Variants in JARID2 observed in about 807,000 individuals in gnomAD.
The protein encoded by JARID2 is protein Jumonji.
JARID2 carries 21 observed loss-of-function variants against 125.6 expected under a neutral mutation model. The observed-to-expected ratio is 0.17, with a 90% CI of 0.12 to 0.24. The LOEUF is 0.24. Ranked by LOEUF, JARID2 falls within the 10% of genes least tolerant of loss-of-function variation. The pLI, the probability that JARID2 is intolerant of heterozygous loss-of-function variation, is 1.00. For missense variants in JARID2, 1,303 were observed against 1,639.6 expected, an observed-to-expected ratio of 0.79 and a Z score of 3.55; for synonymous variants, 736 against 661.6, an observed-to-expected ratio of 1.11 and a Z score of -1.73.
At chr6:15,432,507 G>T (rs1054059727) in intron 3 of JARID2, among the ~76,000 whole-genome samples, 2 of 152,190 alleles carry the variant, frequency 1.3e-5, no homozygotes, top group Non-Finnish European at 2.9e-5. Flanking sequence ...CAGACTGGGA[G>T]TGGGCTCGAA....
At chr6:15,456,178 T>G (rs1364465284) in intron 4 of JARID2, among the ~76,000 whole-genome samples, 1 of 152,222 alleles carries the variant, frequency 6.6e-6, no homozygotes, top group Non-Finnish European at 1.5e-5. Flanking sequence ...TCTTATAACA[T>G]TATATTTTCT....
intron 1 of JARID2, among the ~76,000 whole-genome samples, chr6:15,283,850 C>CAT (rs1561769042): frequency 6.6e-6 from 1 of 151,680 alleles, no homozygotes; most frequent in Non-Finnish European, 1.5e-5. Context: ...GGACTACAGG[C>CAT]GCCTGCCACC....
At chr6:15,270,420 C>T (rs1760252234) in intron 1 of JARID2, among the ~76,000 whole-genome samples, 1 of 152,222 alleles carries the variant, frequency 6.6e-6, no homozygotes, top group Non-Finnish European at 1.5e-5. Flanking sequence ...GCACGAGCCA[C>T]TGCACCTGGC....
intron 1 of JARID2, among the ~76,000 whole-genome samples, chr6:15,319,340 C>G (rs1430176131): frequency 6.6e-6 from 1 of 152,118 alleles, no homozygotes; most frequent in African/African-American, 2.4e-5. Context: ...TTTTTCCTCT[C>G]TGTGGTTCTG....
Position 15,304,303 on chromosome 6 carries a change from T to TCCCCCCCCCCCCCCCCCC in JARID2, c.45+57734_45+57735insCCCCCCCCCCCCCCCCCC, listed in dbSNP as rs61333394. Among the ~76,000 whole-genome samples, 15 of 26,750 alleles carry TCCCCCCCCCCCCCCCCCC rather than the reference T, an allele frequency of 5.6e-4. 2 individuals carry two copies. Among genetic ancestry groups the TCCCCCCCCCCCCCCCCCC allele is most frequent in the Non-Finnish European group, 7.3e-4 (10 of 13,762 alleles). 17.5% of individuals were successfully genotyped at this position (26,750 alleles called of 152,430 possible). A position where few individuals can be genotyped will look rare whatever the true frequency, so the allele number is the denominator to read the frequency against. On this transcript the variant is annotated intron_variant, in intron 1 of 17. Coordinates refer to ENST00000341776, the MANE Select transcript of JARID2 (RefSeq NM_004973.4). ...GTAGAGAATGGACATAATTTGCTGATCCCCCCCCCCCCCCCGCCCACCCAC... is the reference window on the plus strand; with the variant it reads ...GTAGAGAATGGACATAATTTGCTGATCCCCCCCCCCCCCCCCCCCCCCCCCCCCCCCCCGCCCACCCAC...
intron 1 of JARID2, among the ~76,000 whole-genome samples, chr6:15,258,634 T>C (rs1371137378): frequency 1.3e-5 from 2 of 152,068 alleles, no homozygotes; most frequent in African/African-American, 4.8e-5. Context: ...ATACAAAAAT[T>C]AGCCAGGTGT....
At chr6:15,300,683 TTG>T (rs35433395) in intron 1 of JARID2, among the ~76,000 whole-genome samples, 8,563 of 114,336 alleles carry the variant, frequency 0.075, 460 homozygotes, top group Non-Finnish European at 0.11. Flanking sequence ...TGTCCTCATG[TTG>T]TGTGTGTGTG....
chr6:15,475,277 A>T (rs1481900192), intron 5 of JARID2, among the ~76,000 whole-genome samples: 1 of 152,238 alleles, frequency 6.6e-6, no homozygotes, highest in Non-Finnish European at 1.5e-5. Context: ...ATAAAAAGGC[A>T]ATCAGGCACC....
At chr6:15,352,750 C>A (rs1439652251) in intron 1 of JARID2, among the ~76,000 whole-genome samples, 1 of 152,172 alleles carries the variant, frequency 6.6e-6, no homozygotes, top group East Asian at 1.9e-4. Context: ...CTTTTCCCCC[C>A]TCAGACATGA....
chr6:15,458,105 G>A (rs990390812), intron 4 of JARID2, among the ~76,000 whole-genome samples: 19 of 152,146 alleles, frequency 1.2e-4, no homozygotes, highest in Non-Finnish European at 1.9e-4. Flanking sequence ...AGGGTTTTGC[G>A]CTTGCTGCAT....
intron 4 of JARID2, among the ~76,000 whole-genome samples, chr6:15,465,835 G>T (rs1286930055): frequency 1.3e-5 from 2 of 150,992 alleles, no homozygotes; most frequent in African/African-American, 4.9e-5. Flanking sequence ...ACGGAGTCTT[G>T]TTCTGTCGCC....
intron 2 of JARID2, among the ~76,000 whole-genome samples, chr6:15,377,284 G>C (rs542786499): frequency 6.6e-6 from 1 of 152,244 alleles, no homozygotes; most frequent in South Asian, 2.1e-4. Context: ...CTGTTATATG[G>C]CAGTGGCAAG....
At chr6:15,460,866 A>G (rs1768413318) in intron 4 of JARID2, among the ~76,000 whole-genome samples, 1 of 152,042 alleles carries the variant, frequency 6.6e-6, no homozygotes, top group South Asian at 2.1e-4. Flanking sequence ...CACCACACCC[A>G]GCTAATTTTT....
At chr6:15,282,057 C>G (rs980166882) in intron 1 of JARID2, among the ~76,000 whole-genome samples, 5 of 151,964 alleles carry the variant, frequency 3.3e-5, no homozygotes, top group African/African-American at 1.2e-4. Context: ...TCAGACCATT[C>G]TTGTGTGGTA....
intron 6 of JARID2, among the ~76,000 whole-genome samples, chr6:15,488,214 G>T (rs572624168): frequency 1.3e-5 from 2 of 152,304 alleles, no homozygotes; most frequent in South Asian, 4.1e-4. Flanking sequence ...CAGTTTTGAA[G>T]AATCCCTCAG....
chr6:15,294,326 G>C (rs767200038), intron 1 of JARID2, among the ~76,000 whole-genome samples: 7 of 152,166 alleles, frequency 4.6e-5, no homozygotes, highest in Non-Finnish European at 8.8e-5. Flanking sequence ...CCGAGCAGCT[G>C]GGACTATAGG....
At chr6:15,372,940 C>G (rs546098834) in intron 1 of JARID2, among the ~76,000 whole-genome samples, 1 of 152,192 alleles carries the variant, frequency 6.6e-6, no homozygotes, top group East Asian at 1.9e-4. Flanking sequence ...AACTCCTGAC[C>G]TCGTGATCTG....
At chr6:15,342,550 A>G (rs1392642985) in intron 1 of JARID2, among the ~76,000 whole-genome samples, 1 of 152,242 alleles carries the variant, frequency 6.6e-6, no homozygotes, top group East Asian at 1.9e-4. Context: ...TGCTGTTGAA[A>G]GTAACAAAGT....
rs961414146 is a variant in JARID2 at position 15,508,041 on chromosome 6, G to A, written c.2732-299G>A. Among the ~76,000 whole-genome samples, 3 of 152,218 alleles carry A rather than the reference G, an allele frequency of 2.0e-5. No individual in the cohort carries two copies. The South Asian group carries it at 6.2e-4, about 32-fold the overall frequency. On this transcript the variant is annotated intron_variant, in intron 11 of 17. Coordinates refer to ENST00000341776, the MANE Select transcript of JARID2 (RefSeq NM_004973.4). ...CTCTGGTCCTCAGCCTTGAGGCTTG[G>A]GGGCTTCGGCCCGTGGGCGGCCGGT...
Sources: allele counts gnomAD v4.1 joint callset (sites outside exome capture counted in the v4.1 genomes callset), GRCh38; gene constraint gnomAD v4.1.1; transcripts MANE v1.5; gene names NCBI Gene and HGNC (gene_info 2026-07-23, HGNC 2026-07-21).